The following GCN1 variants were observed in gnomAD, a reference collection of about 807,000 sequenced individuals.
The protein encoded by GCN1 is GCN1 activator of EIF2AK4.
Under a neutral mutation model 288.4 loss-of-function variants are expected in GCN1, and 90 were observed. That is an observed-to-expected ratio of 0.31 (90% CI 0.26 to 0.37). The LOEUF (loss-of-function observed/expected upper bound fraction) is 0.37. GCN1 is among the 10% of genes least tolerant of loss of function. The pLI is 1.00. For missense variants in GCN1, 2,586 were observed against 3,419.9 expected, an observed-to-expected ratio of 0.76 and a Z score of 6.08; for synonymous variants, 1,386 against 1,420.2, an observed-to-expected ratio of 0.98 and a Z score of 0.54.
At chr12:120,138,932 AG>A (rs1877100158) in intron 45 of GCN1, 76 bp from the exon 46 acceptor site, 7 of 1,366,636 alleles carry the variant, frequency 5.1e-6, no homozygotes, top group Admixed American at 2.1e-5. Context: ...AAGCACAGGC[AG>A]GGGACTCTGA....
intron 9 of GCN1, 26 bp downstream of exon 9, chr12:120,177,421 C>T: frequency 2.5e-6 from 3 of 1,180,604 alleles, no homozygotes; most frequent in Non-Finnish European, 3.8e-6. Flanking sequence ...ATCTCCCTCC[C>T]ACCATCCTGG....
chr12:120,155,459 T>G lies in GCN1; in HGVS notation c.3441-29A>C. Reference sequence around the variant, plus strand: ...TGGGAGATCCAAGGCAGGGGCTGCTTAGACAAAGATCTGCAGCACTTGCCC... The same window carrying G: ...TGGGAGATCCAAGGCAGGGGCTGCTGAGACAAAGATCTGCAGCACTTGCCC... On this transcript the variant is annotated intron_variant, in intron 29 of 57. Transcript: ENST00000300648. This position sits in a 1 kb window ranked among gnomAD's most constrained non-coding sequence, Gnocchi z 4.9. The G allele has an allele frequency of 1.2e-6, 2 of 1,608,276 alleles. No individual in the cohort carries two copies. Among genetic ancestry groups the G allele is most frequent in the South Asian group, 1.1e-5 (1 of 91,018 alleles).
intron 46 of GCN1, 119 bp from the exon 47 acceptor site, chr12:120,138,534 T>C: frequency 9.8e-7 from 1 of 1,020,124 alleles, no homozygotes; most frequent in East Asian, 2.4e-5. Flanking sequence ...ATTTCCTCAC[T>C]GCCGAAGGCG....
rs762365859 is a variant in GCN1, at chr12:120,136,750, ACTGAGAGTCAAAT to A, written c.6778-31_6778-19del. 3.8e-6 allele frequency: 6 copies of A among 1,587,694 alleles called. No homozygotes were observed. The highest frequency in any genetic ancestry group is 5.2e-6 in the Non-Finnish European group (6 of 1,156,952). ...GTCACTCCCTGACAAGAGAACCACA[ACTGAGAGTCAAAT>A]CTCAAACACCCTGGGCCCTGGTGTC... On this transcript the variant is annotated intron_variant, in intron 50 of 57. Transcript: ENST00000300648.
chr12:120,134,345 G>A lies in GCN1; in HGVS notation c.7263C>T (p.Ala2421=), dbSNP rs769023210. ...GTGAGACGATGTTTTTCCGGATGAC[G>A]GCATCCACTTTGGCCCCTGCTCCCT... ...VIQGAGAKVD[A]VIRKNIVSLL... The change falls in exon 53 of 58, where the codon GCC becomes GCT. Residue 2421 remains alanine (A), a synonymous_variant. Transcript: ENST00000300648. The surrounding 1 kb of genome is among the most constrained non-coding windows in gnomAD (Gnocchi z 5.0). 2.7e-5 allele frequency: 44 copies of A among 1,613,922 alleles called. No homozygotes were observed. The highest frequency in any genetic ancestry group is 1.2e-4 in the South Asian group (11 of 91,074).
rs772100494 is a variant in GCN1, at chr12:120,175,750, G to A, written c.1038C>T (p.Leu346=). The A allele has an allele frequency of 8.7e-6, 14 of 1,611,380 alleles. No individual in the cohort carries two copies. The highest frequency in any genetic ancestry group is 5.5e-5 in the South Asian group (5 of 90,522). ...TGGCCAAGAAGGCTTGCTCACCTCC[G>A]AGGATAGCAAATAGGTGCTTGGTCA... The part of the protein sequence containing the change: ...ESLTKHLFAI[L]GGSEGKLTVV... The change falls in exon 11 of 58, where the codon CTC becomes CTT. Residue 346 remains leucine, a synonymous_variant. Coordinates refer to ENST00000300648, the MANE Select transcript of GCN1 (RefSeq NM_006836.2).
chr12:120,130,698 A>T lies in GCN1; in HGVS notation c.7619T>A (p.Ile2540Asn). 1 of 1,613,990 alleles carries T rather than the reference A, an allele frequency of 6.2e-7. No individual in the cohort carries two copies. Among genetic ancestry groups the T allele is most frequent in the Non-Finnish European group, 8.5e-7 (1 of 1,179,926 alleles). ...RGMGFLMRHHIETGGGQLPAK... is the reference protein window; with the variant it reads ...RGMGFLMRHHNETGGGQLPAK... ...CGGCAACTGCCCTCCGCCTGTCTCG[A>T]TGTGGTGTCTCATGAGAAAGCCCAT... The change falls in exon 56 of 58, where the codon ATC becomes AAC. Residue 2540 changes from isoleucine to asparagine, a missense_variant. Ile to Asn is a moderately radical substitution (Grantham distance 149, BLOSUM62 -3). Around this residue, in one of 8 missense-constraint regions of GCN1, gnomAD observed 355 missense variants for 431.1 expected, o/e 0.82. Coordinates refer to ENST00000300648, the MANE Select transcript of GCN1 (RefSeq NM_006836.2).
rs374521964 is a variant in GCN1 at position 120,149,622 on chromosome 12, C to T, written c.4530G>A (p.Ser1510=). 26 of 1,612,956 alleles carry T rather than the reference C, an allele frequency of 1.6e-5. No individual in the cohort carries two copies. Among genetic ancestry groups the T allele is most frequent in the Non-Finnish European group, 2.0e-5 (24 of 1,179,262 alleles). The change falls in exon 36 of 58, where the codon TCG becomes TCA. Residue 1510 remains serine, a synonymous_variant. Transcript: ENST00000300648. ...TGGTCTTACCAGCTTTGGTCCGCCA[C>T]GATTCCTCCTCCAGGGCAGCCAGTA... ...PSLLAALEEE[S]WRTKAGSVEL... is the part of the protein sequence containing the mutation.
chr12:120,166,847 TA>T (rs948809379), intron 16 of GCN1, among the ~76,000 whole-genome samples: 1 of 147,114 alleles, frequency 6.8e-6, no homozygotes, highest in Non-Finnish European at 1.5e-5. Flanking sequence ...CCCCGTCTCT[TA>T]AAAAAAAATA....
intron 18 of GCN1, 69 bp downstream of exon 18, chr12:120,164,267 C>G: frequency 7.1e-7 from 1 of 1,417,324 alleles, no homozygotes; most frequent in Non-Finnish European, 9.8e-7. Flanking sequence ...CCAGCCAAAA[C>G]CCCACATCGT....
intron 21 of GCN1, 90 bp downstream of exon 21, chr12:120,161,790 C>G: frequency 4.7e-6 from 6 of 1,285,968 alleles, no homozygotes; most frequent in Non-Finnish European, 6.6e-6. Flanking sequence ...CTGTTGCATT[C>G]AACTCACAGG....
chr12:120,169,914 C>G (rs1446930001), intron 15 of GCN1, among the ~76,000 whole-genome samples: 1 of 152,142 alleles, frequency 6.6e-6, no homozygotes, highest in Admixed American at 6.5e-5. Flanking sequence ...AATACTAAAC[C>G]CTGGTCCATC....
At chr12:120,136,917 C>T (rs1346199671) in intron 50 of GCN1, among the ~76,000 whole-genome samples, 185 bp from the exon 51 acceptor site, 1 of 152,158 alleles carries the variant, frequency 6.6e-6, no homozygotes, top group African/African-American at 2.4e-5. Flanking sequence ...AGAGAAAAGA[C>T]GACAAGGGCC....
At chr12:120,165,051 A>ATTT (rs60284535) in intron 16 of GCN1, among the ~76,000 whole-genome samples, 55 of 142,138 alleles carry the variant, frequency 3.9e-4, no homozygotes, top group African/African-American at 1.4e-3. Flanking sequence ...ATATATATAT[A>ATTT]TTTTTTTTTT....
At position 120,164,139 on chromosome 12, in the gene GCN1, T is replaced by C. The variant is rs762472954; in HGVS notation, c.1848+197A>G. On this transcript the variant is annotated intron_variant, in intron 18 of 57. Coordinates refer to ENST00000300648, the MANE Select transcript of GCN1 (RefSeq NM_006836.2). ...ACCCTGGAAAAAAGGTTAAGCTACA[T>C]GTGAAAAAAAGTCTCTGAAAAGGAA... 3.3e-5 allele frequency among the ~76,000 whole-genome samples: 5 copies of C among 151,864 alleles called. No individual in the cohort carries two copies. In the East Asian group the frequency reaches 9.6e-4, roughly 29 times the overall value.
intron 9 of GCN1, among the ~76,000 whole-genome samples, chr12:120,176,661 T>C (rs1224252720): frequency 6.6e-6 from 1 of 152,250 alleles, no homozygotes; most frequent in Non-Finnish European, 1.5e-5. Flanking sequence ...AGCACCTCCA[T>C]AAAGCTATGA....
intron 2 of GCN1, among the ~76,000 whole-genome samples, chr12:120,187,414 C>T (rs1878855197): frequency 6.6e-6 from 1 of 152,012 alleles, no homozygotes; most frequent in Admixed American, 6.6e-5. Context: ...CGGGGTTTCA[C>T]CATGTTGGCC....
In GCN1 at chr12:120,155,162, C is replaced by G; in HGVS notation, c.3630+79G>C. On this transcript the variant is annotated intron_variant, in intron 30 of 57. Coordinates refer to ENST00000300648, the MANE Select transcript of GCN1 (RefSeq NM_006836.2). The surrounding 1 kb of genome is among the most constrained non-coding windows in gnomAD (Gnocchi z 4.9). ...CCACCGTGAGCCCCGAGATTCCTGT[C>G]TGGAGCAGTAGCGGGGTGAGCAGAG... 6.5e-7 allele frequency: 1 copy of G among 1,539,382 alleles called. No homozygotes were observed. The highest frequency in any genetic ancestry group is 9.0e-7 in the Non-Finnish European group (1 of 1,112,760).
chr12:120,179,991 A>G (rs1241499658), intron 5 of GCN1, among the ~76,000 whole-genome samples: 2 of 152,250 alleles, frequency 1.3e-5, no homozygotes, highest in East Asian at 1.9e-4. Context: ...ATTGACATAC[A>G]TAATAGGTCC....
Sources: gnomAD v4.1 joint callset for allele counts (sites outside exome capture counted in the v4.1 genomes callset) on GRCh38, gnomAD v4.1.1 for gene constraint, gnomAD v4.1.1 regional missense constraint, Gnocchi (gnomAD v3.1) non-coding constraint, MANE v1.5 for transcripts, NCBI Gene and HGNC (gene_info 2026-07-23, HGNC 2026-07-21) for gene names.